Variants in EME2 observed in about 807,000 individuals in gnomAD.
The protein encoded by EME2 is structure-specific endonuclease subunit EME2.
Under a neutral mutation model 41.9 loss-of-function variants are expected in EME2, and 58 were observed. That is an observed-to-expected ratio of 1.38 (90% CI 1.12 to 1.72). The LOEUF is 1.72. EME2 is among the 40% of genes most tolerant of loss of function. The pLI is 0.00. For synonymous variants in EME2, 334 were observed against 239.3 expected, an observed-to-expected ratio of 1.40 and a Z score of -3.65; for missense variants, 695 against 541.9, an observed-to-expected ratio of 1.28 and a Z score of -2.81.
chr16:1,776,558 G>A lies in EME2; in HGVS notation c.*320G>A. The A allele has an allele frequency of 2.8e-6, 1 of 359,794 alleles. No individual in the cohort carries two copies. Among genetic ancestry groups the A allele is most frequent in the East Asian group, 4.9e-5 (1 of 20,616 alleles). 22.3% of individuals were successfully genotyped at this position (359,794 alleles called of 1,614,324 possible). On this transcript the variant is annotated 3_prime_UTR_variant, in exon 8 of 8. Transcript: ENST00000568449. ...GGCAGGGACCAGAAGGCAGCTCCAG[G>A]GCCCCACTGCCACCTGGAGGCTTGG... is the stretch of plus-strand genomic sequence containing the variant.
chr16:1,777,204 A>C lies in EME2; in HGVS notation c.*966A>C, dbSNP rs985793414. On this transcript the variant is annotated 3_prime_UTR_variant, in exon 8 of 8. Transcript: ENST00000568449. The stretch of plus-strand genomic sequence containing the variant: ...GACACTGGAGCCTTGCGGCGGCTGC[A>C]ACTCATGCTCAGGACCCAGCCCAGC... 2.5e-6 allele frequency: 4 copies of C among 1,610,398 alleles called. No individual in the cohort carries two copies. The Admixed American group carries it at 5.0e-5, about 20-fold the overall frequency.
Position 1,773,039 on chromosome 16 carries a change from C to T in EME2, c.-189C>T, listed in dbSNP as rs1427890180. On this transcript the variant is annotated 5_prime_UTR_variant, in exon 1 of 8. Transcript: ENST00000568449. ...CCGCGTAGAGCTGGGAGTCGCGCGG[C>T]CTGTTCAGTTGCTCCCGCAGGGCGC... The T allele has an allele frequency of 1.1e-5, 16 of 1,435,908 alleles. No individual in the cohort carries two copies. In the African/African-American group the frequency reaches 1.4e-4, roughly 12 times the overall value. The allele number at this position is 1,435,908 out of a possible 1,614,324, so 88.9% of individuals were successfully genotyped here.
chr16:1,775,719 A>G, intron 6 of EME2, 35 bp downstream of exon 6: 2 of 1,612,640 alleles, frequency 1.2e-6, no homozygotes, highest in Non-Finnish European at 1.7e-6. Flanking sequence ...GGGCAGGATC[A>G]CCTCAAGGTA....
chr16:1,773,480 G>A lies in EME2; in HGVS notation c.247+6G>A. 3.8e-6 allele frequency: 6 copies of A among 1,579,394 alleles called. No homozygotes were observed. The highest frequency in any genetic ancestry group is 5.1e-6 in the Non-Finnish European group (6 of 1,171,928). On this transcript the variant is annotated splice_donor_region_variant and intron_variant, in intron 1 of 7. Transcript: ENST00000568449. ...CGCGGTGTGCGTGGACACAGGTGCG[G>A]CGGAGGGCACGGGCGATACTCGGGG...
chr16:1,773,460 T>C lies in EME2; in HGVS notation c.233T>C (p.Val78Ala). The C allele has an allele frequency of 1.9e-6, 3 of 1,577,744 alleles. No homozygotes were observed. Among genetic ancestry groups the C allele is most frequent in the South Asian group, 1.1e-5 (1 of 88,514 alleles). The change falls in exon 1 of 8, where the codon GTG (valine) becomes GCG (alanine). Residue 78 changes from valine to alanine, a missense_variant. Coordinates refer to ENST00000568449, the MANE Select transcript of EME2 (RefSeq NM_001257370.2). The stretch of plus-strand genomic sequence containing the variant: ...GAGCAGGTCCTGAAGCGCCTCGCGG[T>C]GTGCGTGGACACAGGTGCGGCGGAG... ...RPEQVLKRLA[V>A]CVDTAILEDA...
intron 1 of EME2, 66 bp from the exon 2 acceptor site, chr16:1,773,639 C>T (rs2042665264): frequency 6.5e-7 from 1 of 1,544,674 alleles, no homozygotes; most frequent in Non-Finnish European, 8.7e-7. Context: ...TCCGGCCACC[C>T]GCCCAGGTAG....
Position 1,778,674 on chromosome 16 carries a change from C to T in EME2, c.*2436C>T. On this transcript the variant is annotated 3_prime_UTR_variant, in exon 8 of 8. Coordinates refer to ENST00000568449, the MANE Select transcript of EME2 (RefSeq NM_001257370.2). ...CGCTCTCTACCCTCTCACCCTTGCC[C>T]TCTGTCCCTGTCCCACCCTGTCCCT... 2 of 1,498,718 alleles carry T rather than the reference C, an allele frequency of 1.3e-6. No individual in the cohort carries two copies. The highest frequency in any genetic ancestry group is 8.9e-7 in the Non-Finnish European group (1 of 1,128,428). The allele number at this position is 1,498,718 out of a possible 1,614,324, so 92.8% of individuals were successfully genotyped here. A position where few individuals can be genotyped will look rare whatever the true frequency, so the allele number is the denominator to read the frequency against.
chr16:1,777,813 T>C lies in EME2; in HGVS notation c.*1575T>C. 1 of 1,612,916 alleles carries C rather than the reference T, an allele frequency of 6.2e-7. No individual in the cohort carries two copies. The highest frequency in any genetic ancestry group is 8.5e-7 in the Non-Finnish European group (1 of 1,179,896). On this transcript the variant is annotated 3_prime_UTR_variant, in exon 8 of 8. Transcript: ENST00000568449. ...CAGGTGTCCAGGTGCACGCCAATGA[T>C]GGAGCCCTGGCCGAACCGCGATGAG...
chr16:1,773,355 G>C lies in EME2; in HGVS notation c.128G>C (p.Gly43Ala). 6.6e-7 allele frequency: 1 copy of C among 1,521,306 alleles called. No homozygotes were observed. Among genetic ancestry groups the C allele is most frequent in the South Asian group, 1.2e-5 (1 of 82,024 alleles). 94.2% of individuals were successfully genotyped at this position (1,521,306 alleles called of 1,614,324 possible). Residue 43 changes from glycine (G) to alanine (A), a missense_variant, in exon 1 of 8, where the codon GGC becomes GCC. By Grantham distance (60) the Gly-to-Ala change is moderately conservative. Coordinates refer to ENST00000568449, the MANE Select transcript of EME2 (RefSeq NM_001257370.2). ...GACTCCGACGCTGAGGACTCCGCCG[G>C]CTCGGAGGCCGCCGCGAGAGCCCGG... is the stretch of plus-strand genomic sequence containing the variant. ...ISDSDAEDSA[G>A]SEAAARARDP...
rs780537651 is a variant in EME2, at chr16:1,775,419, G to T, written c.663+11G>T. ...CCGGAGGTGGAAGAGGTGAGGGCCT[G>T]TCTGAGCTGGGTGAGTCAGGTGGCC... is the stretch of plus-strand genomic sequence containing the variant. On this transcript the variant is annotated intron_variant, in intron 5 of 7. Coordinates refer to ENST00000568449, the MANE Select transcript of EME2 (RefSeq NM_001257370.2). 23 of 1,612,108 alleles carry T rather than the reference G, an allele frequency of 1.4e-5. No individual in the cohort carries two copies. Among genetic ancestry groups the T allele is most frequent in the Non-Finnish European group, 2.0e-5 (23 of 1,179,428 alleles).
At position 1,776,328 on chromosome 16, in the gene EME2, C is replaced by T; in HGVS notation, c.*90C>T. 4.3e-6 allele frequency: 6 copies of T among 1,382,988 alleles called. No homozygotes were observed. Among genetic ancestry groups the T allele is most frequent in the Middle Eastern group, 1.9e-4 (1 of 5,342 alleles). 85.7% of individuals were successfully genotyped at this position (1,382,988 alleles called of 1,614,324 possible). A position where few individuals can be genotyped will look rare whatever the true frequency, so the allele number is the denominator to read the frequency against. On this transcript the variant is annotated 3_prime_UTR_variant, in exon 8 of 8. Transcript: ENST00000568449. The stretch of plus-strand genomic sequence containing the variant: ...GGGAGGACCCCCAGCCACATGTGGA[C>T]CCTCAGCCTGGGTGGGTTCTCTGGC...
At position 1,772,834 on chromosome 16, in the gene EME2, G is replaced by A; in HGVS notation, c.-394G>A. On this transcript the variant is annotated 5_prime_UTR_variant, in exon 1 of 8. Coordinates refer to ENST00000568449, the MANE Select transcript of EME2 (RefSeq NM_001257370.2). Reference sequence around the variant, plus strand: ...TAGTCGGGCCGCACCCGCGTGAGGCGCCAGTAGCACGGCTCGTCGTGCTGC... The same window carrying A: ...TAGTCGGGCCGCACCCGCGTGAGGCACCAGTAGCACGGCTCGTCGTGCTGC... The A allele has an allele frequency of 6.9e-7, 1 of 1,444,494 alleles. No homozygotes were observed. The highest frequency in any genetic ancestry group is 9.1e-7 in the Non-Finnish European group (1 of 1,103,772). The allele number at this position is 1,444,494 out of a possible 1,614,324, so 89.5% of individuals were successfully genotyped here.
In EME2 at chr16:1,776,089, G is replaced by A. The variant is rs769388005; in HGVS notation, c.991G>A (p.Glu331Lys). ...LQQALEACST[E>K]RERMGLLADL... ...CTAGGCGCTGGAGGCCTGCAGCACG[G>A]AGCGGGAGCGCATGGGCCTCCTGGC... Residue 331 changes from glutamate (E) to lysine (K), a missense_variant, in exon 8 of 8, where the codon GAG becomes AAG. Transcript: ENST00000568449. 3 of 1,610,314 alleles carry A rather than the reference G, an allele frequency of 1.9e-6. No individual in the cohort carries two copies. The highest frequency in any genetic ancestry group is 4.5e-5 in the East Asian group (2 of 44,882).
Position 1,778,415 on chromosome 16 carries a change from G to A in EME2, c.*2177G>A, listed in dbSNP as rs867572923. The A allele has an allele frequency of 2.5e-6, 4 of 1,605,518 alleles. No individual in the cohort carries two copies. Among genetic ancestry groups the A allele is most frequent in the Non-Finnish European group, 3.4e-6 (4 of 1,176,086 alleles). On this transcript the variant is annotated 3_prime_UTR_variant, in exon 8 of 8. Transcript: ENST00000568449. ...CCCGCCCGCAGTGCAGTCCCAGCAG[G>A]GGCTGGGCCCCACGCTCACACTCGT...
At chr16:1,774,850 C>T (rs1360603469) in intron 3 of EME2, 191 bp from the exon 4 acceptor site, 5 of 657,726 alleles carry the variant, frequency 7.6e-6, no homozygotes, top group African/African-American at 3.6e-5. Context: ...TCCAGGGTCT[C>T]CTTAGCCTCT....
Position 1,778,350 on chromosome 16 carries a change from C to A in EME2, c.*2112C>A, listed in dbSNP as rs1326135960. ...CAAGAGAGGCCCAGGCTGGGGCAGCCCTGAGAGCTCCATGGGGCTCTGCCC... is the reference window on the plus strand; with the variant it reads ...CAAGAGAGGCCCAGGCTGGGGCAGCACTGAGAGCTCCATGGGGCTCTGCCC... On this transcript the variant is annotated 3_prime_UTR_variant, in exon 8 of 8. Transcript: ENST00000568449. 2 of 1,610,946 alleles carry A rather than the reference C, an allele frequency of 1.2e-6. No homozygotes were observed. The highest frequency in any genetic ancestry group is 1.7e-6 in the Non-Finnish European group (2 of 1,179,760).
At position 1,778,411 on chromosome 16, in the gene EME2, G is replaced by C. The variant is rs1278545489; in HGVS notation, c.*2173G>C. 11 of 1,605,654 alleles carry C rather than the reference G, an allele frequency of 6.9e-6. No individual in the cohort carries two copies. Among genetic ancestry groups the C allele is most frequent in the Non-Finnish European group, 9.4e-6 (11 of 1,176,416 alleles). Reference sequence around the variant, plus strand: ...CAGGCCCGCCCGCAGTGCAGTCCCAGCAGGGGCTGGGCCCCACGCTCACAC... The same window carrying C: ...CAGGCCCGCCCGCAGTGCAGTCCCACCAGGGGCTGGGCCCCACGCTCACAC... On this transcript the variant is annotated 3_prime_UTR_variant, in exon 8 of 8. Transcript: ENST00000568449.
In EME2 at chr16:1,781,415, A is replaced by T; in HGVS notation, c.*5177A>T. On this transcript the variant is annotated 3_prime_UTR_variant, in exon 8 of 8. Transcript: ENST00000568449. ...AGCCTGCTAGAGCCACGGCCCGGGC[A>T]TCTGCGTCTCGGCGGGCTGCACTCA... The T allele has an allele frequency of 6.2e-7, 1 of 1,612,544 alleles. No homozygotes were observed. The highest frequency in any genetic ancestry group is 8.5e-7 in the Non-Finnish European group (1 of 1,179,910).
rs1032311154 is a variant in EME2, at chr16:1,781,584, T to G, written c.*5346T>G. 1.4e-6 allele frequency: 2 copies of G among 1,446,526 alleles called. No individual in the cohort carries two copies. The highest frequency in any genetic ancestry group is 4.8e-5 in the East Asian group (2 of 41,512). 89.6% of individuals were successfully genotyped at this position (1,446,526 alleles called of 1,614,324 possible). On this transcript the variant is annotated 3_prime_UTR_variant, in exon 8 of 8. Transcript: ENST00000568449. ...GGCTGGGCCACGGACCCACTCAAAG[T>G]GGGGACTGCAGGGGCCGCACCGGTG... is the stretch of plus-strand genomic sequence containing the variant.
Sources: gnomAD v4.1 joint callset for allele counts on GRCh38, gnomAD v4.1.1 for gene constraint, MANE v1.5 for transcripts, NCBI Gene and HGNC (gene_info 2026-07-23, HGNC 2026-07-21) for gene names.